SLCO1A2: variants seen among roughly 807,000 people sequenced by gnomAD.
The protein encoded by SLCO1A2 is solute carrier organic anion transporter family member 1A2, also known as OATP-1.
SLCO1A2 carries 67 observed loss-of-function variants against 69.0 expected under a neutral mutation model. The observed-to-expected ratio is 0.97, with a 90% confidence interval of 0.80 to 1.19. The LOEUF (loss-of-function observed/expected upper bound fraction) is 1.19. Ranked by LOEUF, SLCO1A2 falls within the 50% of genes most tolerant of loss-of-function variation. The pLI is 0.00. For missense variants in SLCO1A2, 787 were observed against 793.7 expected (o/e 0.99, Z 0.10); for synonymous variants, 260 against 265.9 (o/e 0.98, Z 0.22).
chr12:21,373,374 T>C (rs1416344280), intron 2 of SLCO1A2: 1 of 1,613,502 alleles, frequency 6.2e-7, no homozygotes, highest in Admixed American at 1.7e-5. Flanking sequence ...AAGCTGCAAG[T>C]ATTTCTCATT....
Position 21,414,159 on chromosome 12 carries a change from C to T in SLCO1A2, c.-312+3723G>A, listed in dbSNP as rs142018962. Among the ~76,000 whole-genome samples, 1,454 of 152,222 alleles carry T rather than the reference C, an allele frequency of 9.6e-3. 13 individuals carry two copies. The highest frequency in any genetic ancestry group is 0.015 in the Non-Finnish European group (996 of 68,030). On this transcript the variant is annotated intron_variant, in intron 1 of 4. Coordinates refer to the SLCO1A2 transcript ENST00000413682. Reference sequence around the variant, plus strand: ...CTGTATCCAGCAATAGCAATAAATTCCCTTATTTCCTAGTTTGTCTGCTTT... The same window carrying T: ...CTGTATCCAGCAATAGCAATAAATTTCCTTATTTCCTAGTTTGTCTGCTTT...
chr12:21,414,205 A>G (rs1941955884), intron 1 of SLCO1A2, among the ~76,000 whole-genome samples: 1 of 151,886 alleles, frequency 6.6e-6, no homozygotes, highest in Non-Finnish European at 1.5e-5. Context: ...GCCAGGAGAG[A>G]ATGCAGCCAG....
At chr12:21,281,173 C>T (rs1944718294) in intron 12 of SLCO1A2, among the ~76,000 whole-genome samples, 1 of 152,042 alleles carries the variant, frequency 6.6e-6, no homozygotes, top group African/African-American at 2.4e-5. Flanking sequence ...CCCAATGGGC[C>T]AGGCGTGGTG....
At chr12:21,295,441 T>C (rs1947564376) in intron 10 of SLCO1A2, 156 bp downstream of exon 10, 1 of 599,896 alleles carries the variant, frequency 1.7e-6, no homozygotes, top group African/African-American at 1.9e-5. Context: ...TTGGATAGAT[T>C]GGCTTGATTG....
intron 14 of SLCO1A2, chr12:21,273,802 C>A (rs1404610529): frequency 6.6e-6 from 1 of 152,108 alleles, no homozygotes; most frequent in Non-Finnish European, 1.5e-5. Flanking sequence ...TTTTGCTGAT[C>A]AAGACCAATA....
intron 2 of SLCO1A2, among the ~76,000 whole-genome samples, chr12:21,366,753 A>G (rs1003008331): frequency 1.3e-5 from 2 of 151,956 alleles, no homozygotes; most frequent in Admixed American, 1.3e-4. Context: ...AGAAAGCAAG[A>G]TCTCTTGAAA....
chr12:21,401,200 A>C (rs1017125223), intron 1 of SLCO1A2, among the ~76,000 whole-genome samples: 2 of 151,924 alleles, frequency 1.3e-5, no homozygotes, highest in African/African-American at 4.8e-5. Flanking sequence ...AATTATAGAC[A>C]ATTACTAATA....
chr12:21,363,844 C>T (rs1939144326), intron 2 of SLCO1A2, among the ~76,000 whole-genome samples: 1 of 152,084 alleles, frequency 6.6e-6, no homozygotes, highest in African/African-American at 2.4e-5. Flanking sequence ...AAGACTAAAC[C>T]AGGAAGAAGC....
At chr12:21,330,255 G>A (rs1027522578) in intron 2 of SLCO1A2, among the ~76,000 whole-genome samples, 38 of 152,102 alleles carry the variant, frequency 2.5e-4, no homozygotes, top group Admixed American at 2.3e-3. Flanking sequence ...CACTTTGGGA[G>A]ACTAAGGCAG....
At chr12:21,298,510 T>A (rs919558471) in intron 8 of SLCO1A2, among the ~76,000 whole-genome samples, 6 of 152,142 alleles carry the variant, frequency 3.9e-5, no homozygotes, top group African/African-American at 9.7e-5. Context: ...CACAATTCAT[T>A]CTGGAACAAA....
chr12:21,374,599 GTTC>G lies in SLCO1A2; in HGVS notation c.-189-77_-189-75del, dbSNP rs1364725545. On this transcript the variant is annotated intron_variant, in intron 1 of 15. Transcript: ENST00000307378. ...TCAAGGCTTATTTAGTTTACAGGGT[GTTC>G]TTCTCAGAACTGACTGTAATTTTCT... 5 of 151,924 alleles carry G rather than the reference GTTC, an allele frequency of 3.3e-5. No homozygotes were observed. The South Asian group carries it at 6.2e-4, about 19-fold the overall frequency. The allele number at this position is 151,924 out of a possible 1,614,324, so 9.4% of individuals were successfully genotyped here.
At chr12:21,351,505 G>C (rs982338070) in intron 2 of SLCO1A2, among the ~76,000 whole-genome samples, 4 of 152,152 alleles carry the variant, frequency 2.6e-5, no homozygotes, top group Admixed American at 2.6e-4. Flanking sequence ...GACAGGCGCA[G>C]TGGCTTGTGC....
At chr12:21,299,819 C>CAT (rs371364103) in intron 8 of SLCO1A2, among the ~76,000 whole-genome samples, 9,424 of 124,962 alleles carry the variant, frequency 0.075, 1,195 homozygotes, top group African/African-American at 0.3. Flanking sequence ...TACACACACA[C>CAT]ATATACACAC....
rs1942291490 is a variant in SLCO1A2 at position 21,268,415 on chromosome 12, G to A, written c.*1133C>T. On this transcript the variant is annotated 3_prime_UTR_variant, in exon 15 of 15. Coordinates refer to ENST00000683939, the MANE Select transcript of SLCO1A2 (RefSeq NM_001386879.1). ...GGGATTTATGTCATTCTTATATATT[G>A]ACTGTCATTTCAACAGGAAGGAGAG... 1 of 151,964 alleles carries A rather than the reference G, an allele frequency of 6.6e-6. No individual in the cohort carries two copies. Among genetic ancestry groups the A allele is most frequent in the Non-Finnish European group, 1.5e-5 (1 of 67,974 alleles). 9.4% of individuals were successfully genotyped at this position (151,964 alleles called of 1,614,324 possible). A position where few individuals can be genotyped will look rare whatever the true frequency, so the allele number is the denominator to read the frequency against.
At chr12:21,300,299 A>G (rs1393475325) in intron 8 of SLCO1A2, 49 bp downstream of exon 8, 1 of 1,299,540 alleles carries the variant, frequency 7.7e-7, no homozygotes, top group East Asian at 2.4e-5. Context: ...AGACATATCT[A>G]TATGAAATAA....
chr12:21,278,193 G>GA (rs1365645392), intron 12 of SLCO1A2, among the ~76,000 whole-genome samples: 1 of 152,030 alleles, frequency 6.6e-6, no homozygotes, highest in African/African-American at 2.4e-5. Flanking sequence ...GTAAAAAGGT[G>GA]TTTCTCATAG....
chr12:21,369,376 T>C lies in SLCO1A2; in HGVS notation c.-63+5023A>G, dbSNP rs1231161700. Among the ~76,000 whole-genome samples the C allele has an allele frequency of 9.8e-5, 15 of 152,292 alleles. No individual in the cohort carries two copies. In the East Asian group the frequency reaches 2.9e-3, roughly 29 times the overall value. On this transcript the variant is annotated intron_variant, in intron 2 of 15. Transcript: ENST00000307378. ...TGATCTCACTGACATCGTCTGCTAA[T>C]AGATTTCCTGTTTTTACTCTTGCCA...
chr12:21,343,099 G>A (rs2136987292), intron 2 of SLCO1A2, among the ~76,000 whole-genome samples: 1 of 152,234 alleles, frequency 6.6e-6, no homozygotes, highest in South Asian at 2.1e-4. Context: ...GCAGAGGACT[G>A]TGGCACCAGA....
chr12:21,409,273 C>T (rs958788688), intron 1 of SLCO1A2, among the ~76,000 whole-genome samples: 10 of 152,100 alleles, frequency 6.6e-5, no homozygotes, highest in Non-Finnish European at 8.8e-5. Flanking sequence ...ATCATATTGG[C>T]AACATGTCGT....
Sources: allele counts gnomAD v4.1 joint callset (sites outside exome capture counted in the v4.1 genomes callset), GRCh38; gene constraint gnomAD v4.1.1; transcripts MANE v1.5; gene names NCBI Gene and HGNC (gene_info 2026-07-23, HGNC 2026-07-21).